The following DGKK variants were observed in gnomAD, a reference collection of about 807,000 sequenced individuals.
DGKK encodes the protein diacylglycerol kinase kappa.
DGKK carries 35 observed loss-of-function variants against 92.2 expected under a neutral mutation model. The observed-to-expected ratio is 0.38, with a 90% CI of 0.29 to 0.50. The LOEUF (loss-of-function observed/expected upper bound fraction) is 0.50. DGKK is among the 20% of genes least tolerant of loss of function. DGKK has a pLI of 0.92. For synonymous variants in DGKK, 368 were observed against 360.6 expected (o/e 1.02, Z -0.23); for missense variants, 910 against 992.2 (o/e 0.92, Z 1.11).
chrX:50,388,656 T>C, intron 12 of DGKK, 38 bp from the exon 13 acceptor site: 1 of 1,016,556 alleles, frequency 9.8e-7, no homozygotes, highest in Non-Finnish European at 1.4e-6. Flanking sequence ...GGAATCTTAG[T>C]ACAATAACAC....
At chrX:50,460,896 A>ATTTT (rs59461560) in intron 1 of DGKK, among the ~76,000 whole-genome samples, 1 of 101,343 alleles carries the variant, frequency 9.9e-6, no homozygotes, top group Non-Finnish European at 2.0e-5. Context: ...GCCATCACTA[A>ATTTT]TTTTTTTTTT....
chrX:50,454,225 T>C (rs1371981252), intron 1 of DGKK, among the ~76,000 whole-genome samples: 1 of 111,322 alleles, frequency 9.0e-6, no homozygotes, highest in South Asian at 3.8e-4. Context: ...TGTGGCTATA[T>C]TCATTTTCTA....
At chrX:50,378,303 A>C in intron 21 of DGKK, 71 bp from the exon 22 acceptor site, 5,792 of 1,041,695 alleles carry the variant, frequency 5.6e-3, no homozygotes, top group Non-Finnish European at 7.0e-3. Flanking sequence ...TGATAATCTC[A>C]TAGTTATGGC....
chrX:50,411,780 T>C (rs1925311795), intron 4 of DGKK, among the ~76,000 whole-genome samples: 1 of 111,545 alleles, frequency 9.0e-6, no homozygotes, highest in Non-Finnish European at 1.9e-5. Flanking sequence ...ACAAGTGAAA[T>C]TGCCTCTAGT....
At position 50,458,119 on chromosome X, in the gene DGKK, A is replaced by C. The variant is rs782532126; in HGVS notation, c.645+11915T>G. 3.0e-3 allele frequency among the ~76,000 whole-genome samples: 332 copies of C among 111,278 alleles called. 1 individual carries two copies. Among genetic ancestry groups the C allele is most frequent in the Non-Finnish European group, 5.4e-3 (288 of 53,006 alleles). On this transcript the variant is annotated intron_variant, in intron 1 of 27. Transcript: ENST00000611977. ...GCTAAGGAGCTAGTAATAAACAGGG[A>C]GCGCAAACACACTCTCCTCTTAGCC... is the stretch of plus-strand genomic sequence containing the variant.
Position 50,469,917 on chromosome X carries a change from C to A in DGKK, c.645+117G>T, listed in dbSNP as rs1927010851. 3 of 1,065,636 alleles carry A rather than the reference C, an allele frequency of 2.8e-6. No individual in the cohort carries two copies. The Admixed American group carries it at 1.2e-4, about 42-fold the overall frequency. The allele number at this position is 1,065,636 out of a possible 1,213,427, so 87.8% of individuals were successfully genotyped here. A position where few individuals can be genotyped will look rare whatever the true frequency, so the allele number is the denominator to read the frequency against. On this transcript the variant is annotated intron_variant, in intron 1 of 27. Transcript: ENST00000611977. ...CCCATCCCTGCATCTTTCTCAGCAT[C>A]TTGGCCAGCCAGTGCCAGACAAGCG...
At chrX:50,446,655 T>C (rs1557231899) in intron 1 of DGKK, among the ~76,000 whole-genome samples, 2 of 111,605 alleles carry the variant, frequency 1.8e-5, no homozygotes, top group African/African-American at 6.5e-5. Flanking sequence ...TTGAAAATAT[T>C]TTCTCCTAAT....
Position 50,379,641 on chromosome X carries a change from T to G in DGKK, c.2848A>C (p.Asn950His). The G allele has an allele frequency of 1.7e-6, 2 of 1,210,208 alleles. No homozygotes were observed. The highest frequency in any genetic ancestry group is 2.2e-6 in the Non-Finnish European group (2 of 894,244). Residue 950 changes from asparagine to histidine, a missense_variant, in exon 20 of 28, where the codon AAC becomes CAC. By Grantham distance (68) the Asn-to-His change is moderately conservative. Coordinates refer to ENST00000611977, the MANE Select transcript of DGKK (RefSeq NM_001013742.4). Reference sequence around the variant, plus strand: ...TCCATACTAACCGTGGTTGCTGTGTTGCTTCCCCAGAAGTTGATACCTCCA... The same window carrying G: ...TCCATACTAACCGTGGTTGCTGTGTGGCTTCCCCAGAAGTTGATACCTCCA... ...YAGGINFWGS[N>H]TATTEYEAPA...
intron 18 of DGKK, 110 bp from the exon 19 acceptor site, chrX:50,380,187 A>G (rs1233108142): frequency 1.3e-5 from 8 of 625,111 alleles, no homozygotes; most frequent in Non-Finnish European, 2.0e-5. Context: ...TCTTACAGAG[A>G]GGAGTCATGC....
intron 23 of DGKK, 103 bp downstream of exon 23, chrX:50,376,655 C>T (rs1362235575): frequency 1.2e-6 from 1 of 822,496 alleles, no homozygotes; most frequent in Admixed American, 3.9e-5. Flanking sequence ...AGCTAAATTC[C>T]TCTCTGAGGC....
At chrX:50,429,308 G>A (rs1925821831) in intron 1 of DGKK, among the ~76,000 whole-genome samples, 1 of 111,838 alleles carries the variant, frequency 8.9e-6, no homozygotes, top group Non-Finnish European at 1.9e-5. Context: ...TGGTTTTTTA[G>A]TATGTACACA....
chrX:50,420,865 G>C (rs1273647476), intron 3 of DGKK, among the ~76,000 whole-genome samples: 1 of 111,454 alleles, frequency 9.0e-6, no homozygotes, highest in Non-Finnish European at 1.9e-5. Flanking sequence ...TAAATGATTT[G>C]CTCAGGGTCA....
chrX:50,370,587 C>T (rs782012493), intron 26 of DGKK, 38 bp from the exon 27 acceptor site: 2 of 1,169,014 alleles, frequency 1.7e-6, no homozygotes, highest in South Asian at 1.9e-5. Context: ...ATGTTAGTTG[C>T]CTAATATTCA....
chrX:50,408,504 T>G (rs12013483), intron 4 of DGKK, among the ~76,000 whole-genome samples: 4,050 of 108,875 alleles, frequency 0.037, 187 homozygotes, highest in African/African-American at 0.13. Flanking sequence ...TCAGCCTCCC[T>G]AGTAGCTGGG....
At chrX:50,404,387 A>G (rs1234745786) in intron 4 of DGKK, among the ~76,000 whole-genome samples, 1 of 110,618 alleles carries the variant, frequency 9.0e-6, no homozygotes, top group Non-Finnish European at 1.9e-5. Context: ...GTCGTTTCAA[A>G]AAGAAAAATA....
At chrX:50,417,430 A>G (rs782791134) in intron 4 of DGKK, among the ~76,000 whole-genome samples, 1 of 110,801 alleles carries the variant, frequency 9.0e-6, no homozygotes, top group Non-Finnish European at 1.9e-5. Context: ...TCTGGAGTCC[A>G]GATAACTTTT....
At chrX:50,409,211 C>G (rs1418444059) in intron 4 of DGKK, among the ~76,000 whole-genome samples, 1 of 109,929 alleles carries the variant, frequency 9.1e-6, no homozygotes, top group East Asian at 2.8e-4. Flanking sequence ...AGGGAACAGA[C>G]ACAGGGGAGA....
At chrX:50,389,514 C>A (rs1557225320) in intron 12 of DGKK, among the ~76,000 whole-genome samples, 2 of 111,942 alleles carry the variant, frequency 1.8e-5, no homozygotes, top group Non-Finnish European at 1.9e-5. Flanking sequence ...TGTGATAAAG[C>A]ACGCATAGGA....
intron 2 of DGKK, among the ~76,000 whole-genome samples, chrX:50,423,370 G>A (rs1220917072): frequency 1.8e-5 from 2 of 111,865 alleles, no homozygotes; most frequent in Admixed American, 1.9e-4. Context: ...TGAGTAAGCA[G>A]TAGGGGAGCT....
Sources: gnomAD v4.1 joint callset for allele counts (sites outside exome capture counted in the v4.1 genomes callset) on GRCh38, gnomAD v4.1.1 for gene constraint, MANE v1.5 for transcripts, NCBI Gene and HGNC (gene_info 2026-07-23, HGNC 2026-07-21) for gene names.